Variants in WDR70 observed in about 807,000 individuals in gnomAD.
WDR70 encodes the protein WD repeat domain 70.
In WDR70, 53 loss-of-function variants were observed where a neutral mutation model predicts 88.6. That is an observed-to-expected ratio of 0.60 (90% confidence interval 0.48 to 0.75). WDR70 has a LOEUF of 0.75. Among genes scored for constraint, WDR70 ranks in the 30% least tolerant of loss-of-function variants. WDR70 has a pLI of 0.00. For missense variants in WDR70, 610 were observed against 823.2 expected, an observed-to-expected ratio of 0.74 and a Z score of 3.17; for synonymous variants, 280 against 270.0, an observed-to-expected ratio of 1.04 and a Z score of -0.36.
rs181273320 is a variant in WDR70, at chr5:37,545,586, C to T, written c.917+28996C>T. Among the ~76,000 whole-genome samples the T allele has an allele frequency of 3.2e-3, 487 of 151,118 alleles. 6 individuals carry two copies. Among genetic ancestry groups the T allele is most frequent in the African/African-American group, 0.011 (468 of 41,152 alleles). On this transcript the variant is annotated intron_variant, in intron 9 of 17. Coordinates refer to ENST00000265107, the MANE Select transcript of WDR70 (RefSeq NM_018034.4). ...TCTCACTCTGTCACCCAGGCTGGAG[C>T]GCAGTGGCTGATCTCAGCTCCCTGC...
At chr5:37,679,427 G>C in intron 10 of WDR70, among the ~76,000 whole-genome samples, 1 of 151,668 alleles carries the variant, frequency 6.6e-6, no homozygotes. Context: ...TGTCCTTTCT[G>C]TTTGTTAGTT....
At chr5:37,509,560 A>C (rs1740656807) in intron 8 of WDR70, among the ~76,000 whole-genome samples, 1 of 152,134 alleles carries the variant, frequency 6.6e-6, no homozygotes. Flanking sequence ...TTAATTTTTA[A>C]AATATCTGAT....
At position 37,568,704 on chromosome 5, in the gene WDR70, G is replaced by T. The variant is rs7729530; in HGVS notation, c.918-36360G>T. The stretch of plus-strand genomic sequence containing the variant: ...CTGCTCAAGATAGATGCCTGTGTAG[G>T]GTCAGGTAGGTACTAAGCAGTGAGT... On this transcript the variant is annotated intron_variant, in intron 9 of 17. Coordinates refer to ENST00000265107, the MANE Select transcript of WDR70 (RefSeq NM_018034.4). 1.3e-3 allele frequency among the ~76,000 whole-genome samples: 195 copies of T among 152,092 alleles called. 1 individual carries two copies. The highest frequency in any genetic ancestry group is 4.6e-3 in the African/African-American group (190 of 41,488).
rs1292020844 is a variant in WDR70, at chr5:37,729,826, A to AT, written c.1877+2785dup. On this transcript the variant is annotated intron_variant, in intron 17 of 17. Coordinates refer to ENST00000265107, the MANE Select transcript of WDR70 (RefSeq NM_018034.4). ...TCTAGGAGTCAGAGCTTTAAAAGAG[A>AT]TTTTCTTAGAGAACTGTCTCTTCCT... 2.0e-5 allele frequency among the ~76,000 whole-genome samples: 3 copies of AT among 151,920 alleles called. No homozygotes were observed. In the East Asian group the frequency reaches 5.8e-4, roughly 29 times the overall value.
intron 9 of WDR70, among the ~76,000 whole-genome samples, chr5:37,525,403 C>T (rs1017461848): frequency 1.3e-5 from 2 of 152,136 alleles, no homozygotes; most frequent in African/African-American, 4.8e-5. Context: ...GAAATGAAGG[C>T]AGAAATAAAG....
chr5:37,650,800 C>A (rs55742744), intron 10 of WDR70, among the ~76,000 whole-genome samples: 70,652 of 151,556 alleles, frequency 0.47, 17,985 homozygotes, highest in Non-Finnish European at 0.58. Context: ...TGCTCCTTTA[C>A]ATACTCTCCG....
chr5:37,731,037 G>A (rs1169868507), intron 17 of WDR70, among the ~76,000 whole-genome samples: 1 of 152,146 alleles, frequency 6.6e-6, no homozygotes, highest in African/African-American at 2.4e-5. Context: ...GTCCCAGGGA[G>A]GGTCGCTTTG....
intron 9 of WDR70, among the ~76,000 whole-genome samples, chr5:37,539,235 TAC>T (rs1399949657): frequency 6.6e-6 from 1 of 152,224 alleles, no homozygotes; most frequent in African/African-American, 2.4e-5. Context: ...ATTCTTGTTA[TAC>T]ACTGTGATTT....
chr5:37,721,278 C>T (rs1747807571), intron 14 of WDR70, 63 bp downstream of exon 14: 2 of 1,422,314 alleles, frequency 1.4e-6, no homozygotes, highest in East Asian at 4.6e-5. Flanking sequence ...GATTTCCCTC[C>T]CACCCCCGCT....
Position 37,498,019 on chromosome 5 carries a change from G to A in WDR70, c.840+18032G>A, listed in dbSNP as rs570378097. Among the ~76,000 whole-genome samples the A allele has an allele frequency of 3.3e-5, 5 of 152,016 alleles. No individual in the cohort carries two copies. In the East Asian group the frequency reaches 9.7e-4, roughly 29 times the overall value. On this transcript the variant is annotated intron_variant, in intron 8 of 17. Coordinates refer to ENST00000265107, the MANE Select transcript of WDR70 (RefSeq NM_018034.4). The stretch of plus-strand genomic sequence containing the variant: ...GTATTTTTAGTAGAAGTGGGATTTC[G>A]CCATGTTGTCCAGGCTGGTCTTGAA...
intron 7 of WDR70, among the ~76,000 whole-genome samples, chr5:37,445,421 G>T (rs547856173): frequency 6.6e-6 from 1 of 151,622 alleles, no homozygotes; most frequent in East Asian, 1.9e-4. Flanking sequence ...TTCCTATTCT[G>T]TTATTTCATC....
intron 10 of WDR70, among the ~76,000 whole-genome samples, chr5:37,668,103 C>T (rs1745917847): frequency 6.6e-6 from 1 of 152,146 alleles, no homozygotes; most frequent in African/African-American, 2.4e-5. Flanking sequence ...AAACAATTCT[C>T]TAGGAACCCT....
intron 8 of WDR70, among the ~76,000 whole-genome samples, chr5:37,496,329 G>A (rs1040656786): frequency 1.3e-5 from 2 of 152,108 alleles, no homozygotes; most frequent in African/African-American, 4.8e-5. Context: ...GCTCACTCTG[G>A]GTCCGCACTA....
chr5:37,683,154 G>A (rs534620265), intron 10 of WDR70, among the ~76,000 whole-genome samples: 49 of 152,254 alleles, frequency 3.2e-4, no homozygotes, highest in African/African-American at 1.1e-3. Context: ...AATTAGGATT[G>A]CAACTCCTGC....
intron 9 of WDR70, among the ~76,000 whole-genome samples, chr5:37,567,382 A>G (rs1354987607): frequency 1.3e-5 from 2 of 152,226 alleles, no homozygotes; most frequent in African/African-American, 2.4e-5. Flanking sequence ...AATTTTAAGA[A>G]TAAATCTCTT....
intron 5 of WDR70, among the ~76,000 whole-genome samples, chr5:37,416,529 AGGGAGAGGGAGATCGTG>A (rs1749759072): frequency 6.8e-6 from 1 of 147,074 alleles, no homozygotes; most frequent in South Asian, 2.2e-4. Context: ...TCGTGGGGAG[AGGGAGAGGGAGATCGTG>A]GGGAGAGGGA....
intron 5 of WDR70, among the ~76,000 whole-genome samples, chr5:37,417,893 AT>A (rs1749811190): frequency 6.6e-6 from 1 of 152,198 alleles, no homozygotes; most frequent in South Asian, 2.1e-4. Context: ...TCTGGTAAAC[AT>A]CTGTCAATTT....
At chr5:37,542,613 A>G (rs989051031) in intron 9 of WDR70, among the ~76,000 whole-genome samples, 4 of 152,100 alleles carry the variant, frequency 2.6e-5, no homozygotes, top group African/African-American at 9.7e-5. Flanking sequence ...ACTGAGTGTC[A>G]TGAAATGTCA....
chr5:37,415,920 G>A (rs570409895), intron 5 of WDR70, among the ~76,000 whole-genome samples: 22 of 151,616 alleles, frequency 1.5e-4, no homozygotes, highest in Admixed American at 7.9e-4. Context: ...ATGGGCCGCC[G>A]GGCAGAGACG....
Sources: allele counts gnomAD v4.1 joint callset (sites outside exome capture counted in the v4.1 genomes callset), GRCh38; gene constraint gnomAD v4.1.1; transcripts MANE v1.5; gene names NCBI Gene and HGNC (gene_info 2026-07-23, HGNC 2026-07-21).